The following P2RY12 variants were observed in gnomAD, a reference collection of about 807,000 sequenced individuals.
P2RY12 encodes P2Y purinoceptor 12.
A neutral mutation model predicts 4.5 loss-of-function variants in P2RY12; 3 were observed. The ratio of observed to expected loss-of-function variants is 0.67; its 90% CI spans 0.31 to 1.74. The LOEUF (loss-of-function observed/expected upper bound fraction) is 1.74. Among genes scored for constraint, P2RY12 ranks in the 40% most tolerant of loss-of-function variants. The pLI, the probability that P2RY12 is intolerant of heterozygous loss-of-function variation, is 0.09. For missense variants in P2RY12, 356 were observed against 407.8 expected (o/e 0.87, Z 1.09); for synonymous variants, 148 against 154.1 (o/e 0.96, Z 0.29).
At chr3:151,355,354 A>T in intron 1 of P2RY12, 1 of 658,032 alleles carries the variant, frequency 1.5e-6, no homozygotes, top group South Asian at 2.1e-5. Flanking sequence ...TTTTATAAAC[A>T]TACTTGGAAG....
intron 1 of P2RY12, chr3:151,377,290 T>C: frequency 1.3e-6 from 1 of 794,076 alleles, no homozygotes; most frequent in South Asian, 1.8e-5. Flanking sequence ...AGAACATAGT[T>C]ACTTGTAAGC....
At chr3:151,361,521 T>G (rs1754612946) in intron 1 of P2RY12, among the ~76,000 whole-genome samples, 3 of 152,204 alleles carry the variant, frequency 2.0e-5, no homozygotes, top group Non-Finnish European at 4.4e-5. Flanking sequence ...CATGACCTGA[T>G]AATGATAGTA....
Position 151,365,935 on chromosome 3 carries a change from C to A in P2RY12, c.-180+18757G>T, listed in dbSNP as rs1293146972. The A allele has an allele frequency of 6.2e-7, 1 of 1,613,362 alleles. No homozygotes were observed. Among genetic ancestry groups the A allele is most frequent in the Admixed American group, 1.7e-5 (1 of 59,986 alleles). On this transcript the variant is annotated intron_variant, in intron 1 of 2. Coordinates refer to ENST00000302632, the MANE Select transcript of P2RY12 (RefSeq NM_022788.5). ...AGAATGGCTGGGGGTTCTGAAGGCT[C>A]TTTGTTGTTCTTCAAATCACGTGTG...
intron 1 of P2RY12, among the ~76,000 whole-genome samples, chr3:151,374,048 A>G (rs944793641): frequency 1.3e-5 from 2 of 152,126 alleles, no homozygotes; most frequent in African/African-American, 2.4e-5. Flanking sequence ...CCAACCCCAC[A>G]AAGTTGTTCT....
At chr3:151,353,893 G>A (rs6801155) in intron 1 of P2RY12, among the ~76,000 whole-genome samples, 43,020 of 151,768 alleles carry the variant, frequency 0.28, 6,253 homozygotes, top group Non-Finnish European at 0.31. Flanking sequence ...TGTAATCCCA[G>A]CACTTTGGGA....
At chr3:151,347,703 G>C (rs945577970) in intron 1 of P2RY12, among the ~76,000 whole-genome samples, 1 of 152,162 alleles carries the variant, frequency 6.6e-6, no homozygotes, top group Admixed American at 6.6e-5. Flanking sequence ...TGCAGAGGAG[G>C]AGGGGAAGTC....
intron 1 of P2RY12, among the ~76,000 whole-genome samples, chr3:151,341,610 G>A (rs1751832557): frequency 6.6e-6 from 1 of 151,198 alleles, no homozygotes; most frequent in Admixed American, 6.6e-5. Flanking sequence ...AAGTTTTAGG[G>A]TACATGTGCA....
chr3:151,381,322 A>C (rs994439004), intron 1 of P2RY12, among the ~76,000 whole-genome samples: 1 of 152,192 alleles, frequency 6.6e-6, no homozygotes, highest in Non-Finnish European at 1.5e-5. Flanking sequence ...TAGATATAGC[A>C]ATCATAGTGA....
intron 1 of P2RY12, chr3:151,357,185 GTTTA>G (rs754699685): frequency 6.5e-7 from 1 of 1,548,494 alleles, no homozygotes; most frequent in South Asian, 1.2e-5. Context: ...GCACCTACAT[GTTTA>G]TTCAGTCTTT....
intron 1 of P2RY12, chr3:151,382,548 A>T: frequency 1.7e-6 from 1 of 594,638 alleles, no homozygotes; most frequent in Non-Finnish European, 2.8e-6. Flanking sequence ...TTTGTTTGTT[A>T]ATTTGTTAAA....
At chr3:151,383,579 G>T (rs768109244) in intron 1 of P2RY12, among the ~76,000 whole-genome samples, 1 of 152,146 alleles carries the variant, frequency 6.6e-6, no homozygotes, top group African/African-American at 2.4e-5. Flanking sequence ...TTTAGTTAAT[G>T]TTTGAATGAC....
chr3:151,350,265 C>G, intron 1 of P2RY12: 2 of 1,544,482 alleles, frequency 1.3e-6, no homozygotes, highest in Non-Finnish European at 8.8e-7. Flanking sequence ...CCTCTGAGCA[C>G]AGTCTTTATC....
At chr3:151,354,909 G>A (rs1292833069) in intron 1 of P2RY12, among the ~76,000 whole-genome samples, 1 of 152,164 alleles carries the variant, frequency 6.6e-6, no homozygotes, top group African/African-American at 2.4e-5. Flanking sequence ...ATCTCCTAGG[G>A]AGGGAGACAT....
At chr3:151,355,390 T>A (rs1027197227) in intron 1 of P2RY12, 1 of 564,818 alleles carries the variant, frequency 1.8e-6, no homozygotes, top group Admixed American at 3.6e-5. Context: ...AGTAGTTCTT[T>A]TAAGTGTCAG....
chr3:151,357,524 A>G, intron 1 of P2RY12: 1 of 648,692 alleles, frequency 1.5e-6, no homozygotes, highest in Non-Finnish European at 2.4e-6. Flanking sequence ...GAAAACATCG[A>G]TCAAAAAGGT....
chr3:151,377,696 C>G (rs184924792), intron 1 of P2RY12, among the ~76,000 whole-genome samples: 158 of 152,166 alleles, frequency 1.0e-3, no homozygotes, highest in African/African-American at 3.8e-3. Context: ...GTAACTGTGA[C>G]AGAAAAGTAT....
At chr3:151,378,776 T>A (rs1161988636) in intron 1 of P2RY12, among the ~76,000 whole-genome samples, 2 of 152,106 alleles carry the variant, frequency 1.3e-5, no homozygotes, top group Non-Finnish European at 2.9e-5. Flanking sequence ...AGGAAAAAAA[T>A]TGATAATTTC....
intron 1 of P2RY12, among the ~76,000 whole-genome samples, chr3:151,372,934 A>C (rs903468403): frequency 6.6e-5 from 10 of 151,492 alleles, no homozygotes; most frequent in African/African-American, 2.2e-4. Flanking sequence ...TTTTTAAAAA[A>C]CTCATGTCCA....
intron 1 of P2RY12, chr3:151,357,523 G>A (rs913724208): frequency 1.7e-5 from 11 of 644,530 alleles, no homozygotes; most frequent in Middle Eastern, 4.5e-4. Context: ...AGAAAACATC[G>A]ATCAAAAAGG....
Sources: allele counts gnomAD v4.1 joint callset (sites outside exome capture counted in the v4.1 genomes callset), GRCh38; gene constraint gnomAD v4.1.1; transcripts MANE v1.5; gene names NCBI Gene and HGNC (gene_info 2026-07-23, HGNC 2026-07-21).